MEIOSIN: variants seen among roughly 807,000 people sequenced by gnomAD.
MEIOSIN encodes the protein meiosis initiator protein.
Under a neutral mutation model 23.4 loss-of-function variants are expected in MEIOSIN, and 18 were observed. The ratio of observed to expected loss-of-function variants is 0.77; its 90% CI spans 0.53 to 1.14. The LOEUF (loss-of-function observed/expected upper bound fraction) is 1.14, where lower values mean the gene tolerates loss of function less well. Ranked by LOEUF, MEIOSIN falls within the 50% of genes most tolerant of loss-of-function variation. The pLI, the probability that MEIOSIN is intolerant of heterozygous loss-of-function variation, is 0.00. For missense variants in MEIOSIN, 428 were observed against 242.9 expected (o/e 1.76, Z -5.07); for synonymous variants, 187 against 100.6 (o/e 1.86, Z -5.14).
intron 11 of MEIOSIN, 79 bp from the exon 12 acceptor site, chr19:45,761,600 G>A (rs966577778): frequency 3.1e-6 from 2 of 641,242 alleles, no homozygotes; most frequent in African/African-American, 1.8e-5. Flanking sequence ...CTCATGTTAT[G>A]TCCTAGAAAA....
At chr19:45,749,835 T>C (rs1161423889) in intron 4 of MEIOSIN, among the ~76,000 whole-genome samples, 1 of 150,670 alleles carries the variant, frequency 6.6e-6, no homozygotes, top group Admixed American at 6.6e-5. Flanking sequence ...AAACCCCGTC[T>C]CTACTAAAAA....
At position 45,742,697 on chromosome 19, in the gene MEIOSIN, G is replaced by T. The variant is rs547311120; in HGVS notation, c.177-2495G>T. Among the ~76,000 whole-genome samples the T allele has an allele frequency of 2.6e-5, 4 of 151,942 alleles. No individual in the cohort carries two copies. The South Asian group carries it at 6.2e-4, about 24-fold the overall frequency. On this transcript the variant is annotated intron_variant, in intron 3 of 14. Transcript: ENST00000457052. ...GGGAGACTGAGGCAGGAGAACGTGA[G>T]GGTGAGGCTGAGGAGGCGTAATCCC...
intron 4 of MEIOSIN, 28 bp downstream of exon 4, chr19:45,745,349 A>G (rs1282705110): frequency 2.9e-6 from 2 of 695,102 alleles, no homozygotes; most frequent in East Asian, 2.7e-5. Context: ...GAGGGGCCAG[A>G]TTTGGGACGC....
rs1036197840 is a variant in MEIOSIN, at chr19:45,752,362, C to T, written c.419-1289C>T. 2.0e-5 allele frequency among the ~76,000 whole-genome samples: 3 copies of T among 152,082 alleles called. No homozygotes were observed. The South Asian group carries it at 6.2e-4, about 32-fold the overall frequency. ...TCCCAAGTAGCTGGGACTACAGGCGCCCGCCACCACACCCAGCTAATTTTT... is the reference window on the plus strand; with the variant it reads ...TCCCAAGTAGCTGGGACTACAGGCGTCCGCCACCACACCCAGCTAATTTTT... On this transcript the variant is annotated intron_variant, in intron 5 of 14. Coordinates refer to ENST00000457052, the MANE Select transcript of MEIOSIN (RefSeq NM_001310124.2).
At chr19:45,759,574 C>T (rs1363250880) in intron 11 of MEIOSIN, 84 bp downstream of exon 11, 3 of 683,166 alleles carry the variant, frequency 4.4e-6, no homozygotes, top group Non-Finnish European at 5.4e-6. Context: ...CACTCATCCA[C>T]TCCCTCACCC....
chr19:45,760,771 A>G (rs891711911), intron 11 of MEIOSIN, among the ~76,000 whole-genome samples: 2 of 151,776 alleles, frequency 1.3e-5, no homozygotes, highest in African/African-American at 4.8e-5. Flanking sequence ...TCTACTAAAA[A>G]TACAAAATTA....
At chr19:45,744,069 C>T (rs1440458381) in intron 3 of MEIOSIN, among the ~76,000 whole-genome samples, 1 of 148,770 alleles carries the variant, frequency 6.7e-6, no homozygotes, top group Non-Finnish European at 1.5e-5. Context: ...TTTTTTGAGA[C>T]AGTCTGGCTC....
chr19:45,749,671 CAAAAAAAA>C lies in MEIOSIN; in HGVS notation c.307-991_307-984del, dbSNP rs71175219. Among the ~76,000 whole-genome samples the C allele has an allele frequency of 8.7e-5, 3 of 34,500 alleles. No homozygotes were observed. In the South Asian group the frequency reaches 5.4e-3, roughly 62 times the overall value. 22.6% of individuals were successfully genotyped at this position (34,500 alleles called of 152,430 possible). On this transcript the variant is annotated intron_variant, in intron 4 of 14. Transcript: ENST00000457052. ...TGGGCGACAGAACAAGATTCTGTCT[CAAAAAAAA>C]AAAAAAAAAAAAGCGCAAAAAAAAA...
chr19:45,748,369 C>T (rs1277157215), intron 4 of MEIOSIN, among the ~76,000 whole-genome samples: 2 of 152,174 alleles, frequency 1.3e-5, no homozygotes, highest in African/African-American at 4.8e-5. Context: ...CGTGAGCCAC[C>T]GCGCCTGGCC....
intron 11 of MEIOSIN, among the ~76,000 whole-genome samples, chr19:45,760,920 G>A (rs1238255702): frequency 4.5e-5 from 6 of 132,794 alleles, no homozygotes; most frequent in African/African-American, 1.6e-4. Flanking sequence ...GTAAGACTCC[G>A]TCTCAAAAAA....
At chr19:45,763,272 G>T in intron 13 of MEIOSIN, 66 bp from the exon 14 acceptor site, 1 of 398,376 alleles carries the variant, frequency 2.5e-6, no homozygotes, top group South Asian at 1.3e-4. Context: ...AGGCTAGGAA[G>T]GGTCTGAGTT....
At position 45,754,460 on chromosome 19, in the gene MEIOSIN, T is replaced by G; in HGVS notation, c.557-19T>G. 1.4e-6 allele frequency: 1 copy of G among 697,826 alleles called. No individual in the cohort carries two copies. Among genetic ancestry groups the G allele is most frequent in the Non-Finnish European group, 2.6e-6 (1 of 381,628 alleles). 43.2% of individuals were successfully genotyped at this position (697,826 alleles called of 1,614,324 possible). ...GTGACTCCCAGGCCCCTCTGACACCTGAACCTCTGCTCCCCCAGAAAGCCA... is the reference window on the plus strand; with the variant it reads ...GTGACTCCCAGGCCCCTCTGACACCGGAACCTCTGCTCCCCCAGAAAGCCA... On this transcript the variant is annotated intron_variant, in intron 6 of 14. Transcript: ENST00000457052.
Position 45,759,413 on chromosome 19 carries a change from G to T in MEIOSIN, c.1169-1G>T. 1.4e-6 allele frequency: 1 copy of T among 703,380 alleles called. No homozygotes were observed. Among genetic ancestry groups the T allele is most frequent in the Non-Finnish European group, 2.6e-6 (1 of 385,044 alleles). 43.6% of individuals were successfully genotyped at this position (703,380 alleles called of 1,614,324 possible). ...GCTGCCCCTCTGGTCTCCCTCCCTAGCGGCTTTCTTTGAAGAAGTGTGCTT... is the reference window on the plus strand; with the variant it reads ...GCTGCCCCTCTGGTCTCCCTCCCTATCGGCTTTCTTTGAAGAAGTGTGCTT... On this transcript the variant is annotated splice_acceptor_variant, in intron 10 of 14. Coordinates refer to ENST00000457052, the MANE Select transcript of MEIOSIN (RefSeq NM_001310124.2). LOFTEE classifies it high-confidence loss of function.
In MEIOSIN at chr19:45,733,901, C is replaced by A. The variant is rs2146169056; in HGVS notation, c.-1+235C>A. On this transcript the variant is annotated intron_variant, in intron 1 of 14. Coordinates refer to ENST00000457052, the MANE Select transcript of MEIOSIN (RefSeq NM_001310124.2). The surrounding 1 kb of genome is among the most constrained non-coding windows in gnomAD (Gnocchi z 5.7). ...TGTTTGTGTTGGGAATCCGGGCTCT[C>A]GAGTTCTGATCTGGGATCTCGGGAT... Among the ~76,000 whole-genome samples the A allele has an allele frequency of 6.6e-6, 1 of 152,210 alleles. No homozygotes were observed. The highest frequency in any genetic ancestry group is 2.4e-5 in the African/African-American group (1 of 41,526).
chr19:45,749,671 C>CAAAAAAAAAAAAAAAAAAAAGAGAAAA (rs1968657307), intron 4 of MEIOSIN, among the ~76,000 whole-genome samples: 1 of 34,498 alleles, frequency 2.9e-5, no homozygotes, highest in Non-Finnish European at 4.8e-5. Context: ...GATTCTGTCT[C>CAAAAAAAAAAAAAAAAAAAAGAGAAAA]AAAAAAAAAA....
chr19:45,739,233 C>G (rs955231281), intron 2 of MEIOSIN, among the ~76,000 whole-genome samples: 3 of 152,064 alleles, frequency 2.0e-5, no homozygotes, highest in African/African-American at 7.2e-5. Flanking sequence ...TCAGCGCAAC[C>G]TCCGCCTCCT....
chr19:45,748,360 G>A (rs1023515596), intron 4 of MEIOSIN, among the ~76,000 whole-genome samples: 1 of 152,174 alleles, frequency 6.6e-6, no homozygotes, highest in Admixed American at 6.5e-5. Context: ...GATTACAGGC[G>A]TGAGCCACCG....
At position 45,750,678 on chromosome 19, in the gene MEIOSIN, G is replaced by A. The variant is rs1303212448; in HGVS notation, c.310G>A (p.Glu104Lys). ...CCCTGTCTTTCTTTTGAGGCAGAAG[G>A]AGATTCTGGTGCATGTCCTGCAGTA... is the stretch of plus-strand genomic sequence containing the variant. ...KTGTKKLTKK[E>K]ILVHVLQYIQ... Residue 104 changes from glutamate (E) to lysine (K), a missense_variant, in exon 5 of 15, where the codon GAG becomes AAG. Glu to Lys is a moderately conservative substitution (Grantham distance 56). Transcript: ENST00000457052. The A allele has an allele frequency of 1.0e-5, 6 of 571,696 alleles. 1 individual carries two copies. The highest frequency in any genetic ancestry group is 1.9e-5 in the Non-Finnish European group (6 of 324,062). 35.4% of individuals were successfully genotyped at this position (571,696 alleles called of 1,614,324 possible). A position where few individuals can be genotyped will look rare whatever the true frequency, so the allele number is the denominator to read the frequency against.
rs201482275 is a variant in MEIOSIN at position 45,740,749 on chromosome 19, CAATAATAATAATAATAAT to C, written c.176+1049_176+1066del. 7.2e-3 allele frequency among the ~76,000 whole-genome samples: 1,012 copies of C among 140,084 alleles called. 11 individuals carry two copies. Among genetic ancestry groups the C allele is most frequent in the African/African-American group, 0.02 (749 of 38,034 alleles). The allele number at this position is 140,084 out of a possible 152,430, so 91.9% of individuals were successfully genotyped here. A position where few individuals can be genotyped will look rare whatever the true frequency, so the allele number is the denominator to read the frequency against. Reference sequence around the variant, plus strand: ...TGGGCAACAAGGCGAGACTCCATCTCAATAATAATAATAATAATAATAATAATAATAATAATAATAATA... The same window carrying C: ...TGGGCAACAAGGCGAGACTCCATCTCAATAATAATAATAATAATAATAATA... On this transcript the variant is annotated intron_variant, in intron 3 of 14. Coordinates refer to ENST00000457052, the MANE Select transcript of MEIOSIN (RefSeq NM_001310124.2).
Sources: gnomAD v4.1 joint callset for allele counts (sites outside exome capture counted in the v4.1 genomes callset) on GRCh38, gnomAD v4.1.1 for gene constraint, Gnocchi (gnomAD v3.1) non-coding constraint, MANE v1.5 for transcripts, NCBI Gene and HGNC (gene_info 2026-07-23, HGNC 2026-07-21) for gene names.